The following FGD3 variants were observed in gnomAD, a reference collection of about 807,000 sequenced individuals.
FGD3 encodes FYVE, RhoGEF and PH domain-containing protein 3.
Under a neutral mutation model 71.8 loss-of-function variants are expected in FGD3, and 45 were observed. The observed-to-expected ratio is 0.63, with a 90% CI of 0.49 to 0.80. The LOEUF (loss-of-function observed/expected upper bound fraction) is 0.80, where lower values mean the gene tolerates loss of function less well. Ranked by LOEUF, FGD3 falls within the 30% of genes least tolerant of loss-of-function variation. The pLI is 0.00. For synonymous variants in FGD3, 378 were observed against 392.8 expected, an observed-to-expected ratio of 0.96 and a Z score of 0.44; for missense variants, 844 against 951.5, an observed-to-expected ratio of 0.89 and a Z score of 1.49.
chr9:92,994,184 G>A (rs543257335), intron 3 of FGD3, among the ~76,000 whole-genome samples: 3 of 152,004 alleles, frequency 2.0e-5, no homozygotes, highest in Non-Finnish European at 4.4e-5. Context: ...GGTATCTCAC[G>A]GTGGTTTTGA....
chr9:93,020,276 A>G (rs372404291), intron 12 of FGD3, 41 bp from the exon 13 acceptor site: 26 of 1,562,992 alleles, frequency 1.7e-5, no homozygotes, highest in African/African-American at 4.1e-5. Context: ...GCATCCTCCC[A>G]TGCCCCTTTA....
chr9:93,024,574 G>A (rs1200285234), intron 14 of FGD3, among the ~76,000 whole-genome samples: 2 of 152,270 alleles, frequency 1.3e-5, no homozygotes, highest in Admixed American at 6.5e-5. Context: ...GCCACCTGTC[G>A]TTTGTGAATG....
At chr9:92,954,830 T>A (rs959615643) in intron 1 of FGD3, among the ~76,000 whole-genome samples, 1 of 152,216 alleles carries the variant, frequency 6.6e-6, no homozygotes, top group Non-Finnish European at 1.5e-5. Context: ...CTCAGCTGCA[T>A]CTTGCTAGGC....
chr9:92,979,360 G>T (rs1460876765), intron 3 of FGD3, among the ~76,000 whole-genome samples: 1 of 152,212 alleles, frequency 6.6e-6, no homozygotes, highest in Non-Finnish European at 1.5e-5. Context: ...CATCAATTGA[G>T]ATGATCATGT....
chr9:92,977,750 G>A (rs1859821032), intron 3 of FGD3, among the ~76,000 whole-genome samples: 1 of 152,172 alleles, frequency 6.6e-6, no homozygotes, highest in Non-Finnish European at 1.5e-5. Flanking sequence ...GGTTCGAGGG[G>A]GAACTGTGGG....
chr9:92,959,088 T>C (rs1157642229), intron 1 of FGD3, among the ~76,000 whole-genome samples: 1 of 152,156 alleles, frequency 6.6e-6, no homozygotes, highest in Non-Finnish European at 1.5e-5. Flanking sequence ...GCCTCTCCAG[T>C]AGCTGGGACT....
chr9:93,031,537 A>C (rs2118840500), intron 15 of FGD3, among the ~76,000 whole-genome samples: 1 of 152,158 alleles, frequency 6.6e-6, no homozygotes, highest in East Asian at 1.9e-4. Context: ...CTCACACAAG[A>C]AGTGATAGAG....
In FGD3 at chr9:93,002,931, G is replaced by A. The variant is rs1860911022; in HGVS notation, c.460G>A (p.Gly154Ser). ...DKDAGLAQHS[G>S]PQKLLHIAQE... The stretch of plus-strand genomic sequence containing the variant: ...GCATCTCTTCTCTCCGCAGCACTCT[G>A]GCCCCCAGAAGCTTCTCCACATTGC... The change falls in exon 4 of 18, where the codon GGC (glycine) becomes AGC (serine). Residue 154 changes from glycine to serine, a missense_variant. Transcript: ENST00000375482. 1 of 1,613,686 alleles carries A rather than the reference G, an allele frequency of 6.2e-7. No homozygotes were observed. The highest frequency in any genetic ancestry group is 1.3e-5 in the African/African-American group (1 of 74,860).
chr9:92,991,010 G>T (rs1216911036), intron 3 of FGD3, among the ~76,000 whole-genome samples: 1 of 152,054 alleles, frequency 6.6e-6, no homozygotes, highest in Non-Finnish European at 1.5e-5. Context: ...TTCTTTATAG[G>T]TTCAGTAGAA....
Position 93,029,967 on chromosome 9 carries a change from A to C in FGD3, c.1651A>C (p.Arg551=). The change falls in exon 15 of 18, where the codon AGG becomes CGG. Residue 551 remains arginine (R), a synonymous_variant. Transcript: ENST00000375482. ...TGAGACCTTCAACTCCATCACCAAG[A>C]GGAGGCATCACTGCAAGCTGTGTGG... is the stretch of plus-strand genomic sequence containing the variant. ...CGETFNSITK[R]RHHCKLCGAV... 1 of 1,613,180 alleles carries C rather than the reference A, an allele frequency of 6.2e-7. No homozygotes were observed. The highest frequency in any genetic ancestry group is 2.2e-5 in the East Asian group (1 of 44,850).
At chr9:93,016,288 G>C (rs536464914) in intron 10 of FGD3, among the ~76,000 whole-genome samples, 1 of 151,990 alleles carries the variant, frequency 6.6e-6, no homozygotes, top group Non-Finnish European at 1.5e-5. Context: ...CACCGGAGCC[G>C]GGGGGAGGGT....
At chr9:92,959,706 CAAAAA>C (rs10658844) in intron 1 of FGD3, among the ~76,000 whole-genome samples, 10 of 80,532 alleles carry the variant, frequency 1.2e-4, no homozygotes, top group South Asian at 9.4e-4. Context: ...AACTCAGTCT[CAAAAA>C]AAAAAAAAAA....
rs762656531 is a variant in FGD3, at chr9:93,006,087, C to T, written c.744C>T (p.Gly248=). The change falls in exon 6 of 18, where the codon GGC becomes GGT. Residue 248 remains glycine, a synonymous_variant. Transcript: ENST00000375482. The part of the protein sequence containing the change: ...QKLAPFLKMY[G]EYVKNFDRAV... ...TGGCCCCATTCCTGAAGATGTACGGCGAGTATGTCAAGAACTTTGACCGAG... is the reference window on the plus strand; with the variant it reads ...TGGCCCCATTCCTGAAGATGTACGGTGAGTATGTCAAGAACTTTGACCGAG... 5.0e-6 allele frequency: 8 copies of T among 1,613,082 alleles called. No homozygotes were observed. The highest frequency in any genetic ancestry group is 3.3e-5 in the South Asian group (3 of 90,910).
At chr9:92,988,235 C>CCCCTGCATAAGGCTCCA (rs1860263968) in intron 3 of FGD3, among the ~76,000 whole-genome samples, 5 of 152,206 alleles carry the variant, frequency 3.3e-5, no homozygotes, top group African/African-American at 7.2e-5. Flanking sequence ...CCAGGCTTCT[C>CCCCTGCATAAGGCTCCA]CCCTGCATAA....
At chr9:92,989,435 T>C (rs985316156) in intron 3 of FGD3, among the ~76,000 whole-genome samples, 1 of 152,246 alleles carries the variant, frequency 6.6e-6, no homozygotes, top group African/African-American at 2.4e-5. Flanking sequence ...CTCATCAGTG[T>C]TTTTTAGTTT....
At chr9:93,007,647 C>T (rs982731950) in intron 6 of FGD3, among the ~76,000 whole-genome samples, 1 of 152,162 alleles carries the variant, frequency 6.6e-6, no homozygotes, top group Non-Finnish European at 1.5e-5. Context: ...TGGGGACACT[C>T]GAGGCAGACA....
chr9:92,993,883 G>A (rs1032102009), intron 3 of FGD3, among the ~76,000 whole-genome samples: 1 of 152,106 alleles, frequency 6.6e-6, no homozygotes. Context: ...CATTTGGGTT[G>A]GTTCCAAGTC....
At chr9:92,986,932 C>T (rs1048117528) in intron 3 of FGD3, among the ~76,000 whole-genome samples, 1 of 152,194 alleles carries the variant, frequency 6.6e-6, no homozygotes, top group East Asian at 1.9e-4. Context: ...GTCTTTGCTG[C>T]CACACAAATT....
chr9:93,002,922 C>T lies in FGD3; in HGVS notation c.454-3C>T. ...AGGTGAGCTGCATCTCTTCTCTCCG[C>T]AGCACTCTGGCCCCCAGAAGCTTCT... On this transcript the variant is annotated splice_polypyrimidine_tract_variant and splice_region_variant and intron_variant, in intron 3 of 17. Coordinates refer to ENST00000375482, the MANE Select transcript of FGD3 (RefSeq NM_001083536.2). 1 of 1,613,748 alleles carries T rather than the reference C, an allele frequency of 6.2e-7. No homozygotes were observed. Among genetic ancestry groups the T allele is most frequent in the Non-Finnish European group, 8.5e-7 (1 of 1,179,956 alleles).
Sources: allele counts gnomAD v4.1 joint callset (sites outside exome capture counted in the v4.1 genomes callset), GRCh38; gene constraint gnomAD v4.1.1; transcripts MANE v1.5; gene names NCBI Gene and HGNC (gene_info 2026-07-23, HGNC 2026-07-21).